ME3: variants seen among roughly 807,000 people sequenced by gnomAD.
The protein encoded by ME3 is malic enzyme 3.
In ME3, 48 loss-of-function variants were observed where a neutral mutation model predicts 68.9. The ratio of observed to expected loss-of-function variants is 0.70; its 90% CI spans 0.55 to 0.89. ME3 has a LOEUF of 0.89. ME3 is among the 40% of genes least tolerant of loss of function. ME3 has a pLI of 0.00. For missense variants in ME3, 675 were observed against 797.4 expected (o/e 0.85, Z 1.85); for synonymous variants, 320 against 318.8 (o/e 1.00, Z -0.04).
At chr11:86,614,672 A>AT (rs939027954) in intron 2 of ME3, among the ~76,000 whole-genome samples, 1 of 151,942 alleles carries the variant, frequency 6.6e-6, no homozygotes, top group Admixed American at 6.6e-5. Flanking sequence ...GTGCCTATGG[A>AT]TTTTTTTTCA....
At chr11:86,448,375 C>G (rs1241528729) in intron 10 of ME3, 120 bp from the exon 11 acceptor site, 1 of 726,580 alleles carries the variant, frequency 1.4e-6, no homozygotes, top group Non-Finnish European at 2.3e-6. Flanking sequence ...TTTGAGCTGT[C>G]AGATGTTTTG....
intron 4 of ME3, among the ~76,000 whole-genome samples, chr11:86,509,507 T>G (rs1444264535): frequency 6.6e-6 from 1 of 152,224 alleles, no homozygotes; most frequent in Non-Finnish European, 1.5e-5. Context: ...GCAGGAATTA[T>G]ACCTTTTGGG....
chr11:86,440,702 G>A (rs1948943757), downstream of ME3, among the ~76,000 whole-genome samples: 2 of 152,136 alleles, frequency 1.3e-5, no homozygotes, highest in Admixed American at 1.3e-4. Context: ...GGTGTGTATG[G>A]CTGACATGGA....
intron 4 of ME3, among the ~76,000 whole-genome samples, chr11:86,517,094 G>A (rs993436232): frequency 2.6e-5 from 4 of 152,054 alleles, no homozygotes; most frequent in Non-Finnish European, 4.4e-5. Context: ...TCTGTCCTTC[G>A]TGGAAGCAAT....
chr11:86,671,597 G>A (rs1166333730), intron 2 of ME3, 165 bp downstream of exon 2: 1 of 764,910 alleles, frequency 1.3e-6, no homozygotes, highest in African/African-American at 1.9e-5. Flanking sequence ...GGGAGAGGAG[G>A]GACAAGAAAG....
At chr11:86,522,358 TTTC>T (rs1479951194) in intron 4 of ME3, among the ~76,000 whole-genome samples, 1 of 150,388 alleles carries the variant, frequency 6.6e-6, no homozygotes, top group Non-Finnish European at 1.5e-5. Context: ...TGACTATTTT[TTTC>T]TTTTTTTTTT....
intron 2 of ME3, among the ~76,000 whole-genome samples, chr11:86,578,094 G>A (rs1958219314): frequency 6.6e-6 from 1 of 152,178 alleles, no homozygotes; most frequent in South Asian, 2.1e-4. Flanking sequence ...CATCCCGACC[G>A]AACAAGGGAA....
At chr11:86,526,641 C>T (rs982368067) in intron 4 of ME3, among the ~76,000 whole-genome samples, 11 of 152,316 alleles carry the variant, frequency 7.2e-5, no homozygotes, top group Middle Eastern at 3.4e-3. Context: ...TGACACCTCA[C>T]ATGGCTGGGT....
At chr11:86,590,058 AC>A (rs1958970072) in intron 2 of ME3, among the ~76,000 whole-genome samples, 1 of 152,162 alleles carries the variant, frequency 6.6e-6, no homozygotes, top group Non-Finnish European at 1.5e-5. Context: ...ACTGTCCCAA[AC>A]CAGGGAAGAG....
At chr11:86,566,430 C>T (rs1460234466) in intron 2 of ME3, among the ~76,000 whole-genome samples, 2 of 152,198 alleles carry the variant, frequency 1.3e-5, no homozygotes, top group African/African-American at 4.8e-5. Context: ...CCCTTCATTC[C>T]TCTGCCACCT....
chr11:86,461,321 A>C (rs1390479357), intron 8 of ME3, among the ~76,000 whole-genome samples: 12 of 152,032 alleles, frequency 7.9e-5, no homozygotes, highest in Admixed American at 7.9e-4. Context: ...CCAGTGAGGG[A>C]GGGGGGGATG....
At chr11:86,454,282 C>T (rs1949796768) in intron 8 of ME3, among the ~76,000 whole-genome samples, 1 of 152,150 alleles carries the variant, frequency 6.6e-6, no homozygotes, top group Admixed American at 6.5e-5. Flanking sequence ...AATATTTTTG[C>T]CCTTTGACCT....
intron 2 of ME3, among the ~76,000 whole-genome samples, chr11:86,575,529 C>T (rs951007376): frequency 6.8e-6 from 1 of 147,226 alleles, no homozygotes; most frequent in Admixed American, 6.7e-5. Context: ...AATGTAGCAT[C>T]ATTGGCCCCT....
In ME3 at chr11:86,478,782, T is replaced by A. The variant is rs534166002; in HGVS notation, c.809+8555A>T. On this transcript the variant is annotated intron_variant, in intron 7 of 14. Coordinates refer to ENST00000543262, the Ensembl canonical transcript of ME3. The stretch of plus-strand genomic sequence containing the variant: ...TACATTTTTTATGGTTGGTGGAAAG[T>A]ATTTCATTTCTAGCACTCCTGATAT... Among the ~76,000 whole-genome samples the A allele has an allele frequency of 2.0e-5, 3 of 152,334 alleles. No homozygotes were observed. The South Asian group carries it at 6.2e-4, about 32-fold the overall frequency.
chr11:86,441,173 G>GA, exon 15 of ME3: 1 of 1,195,888 alleles, frequency 8.4e-7, no homozygotes. Context: ...AAGTTTAAAA[G>GA]AAAAAACACA....
chr11:86,446,809 T>A, intron 12 of ME3: 1 of 602,672 alleles, frequency 1.7e-6, no homozygotes, highest in South Asian at 2.4e-5. Context: ...TGGGTGCTGG[T>A]CAAAGCTCTG....
intron 4 of ME3, 32 bp downstream of exon 4, chr11:86,556,521 C>T (rs1297718520): frequency 6.2e-7 from 1 of 1,600,614 alleles, no homozygotes; most frequent in Non-Finnish European, 8.5e-7. Flanking sequence ...TGAGGCAGCC[C>T]CTCCCAGAGC....
chr11:86,568,926 C>A (rs1222099009), intron 2 of ME3, among the ~76,000 whole-genome samples: 1 of 152,200 alleles, frequency 6.6e-6, no homozygotes, highest in Non-Finnish European at 1.5e-5. Flanking sequence ...CTAGAGGAGA[C>A]ATGTGGGTTA....
intron 3 of ME3, among the ~76,000 whole-genome samples, chr11:86,559,222 C>T (rs147549769): frequency 1.2e-3 from 189 of 152,236 alleles, no homozygotes; most frequent in Non-Finnish European, 1.8e-3. Flanking sequence ...TAGGTCCATC[C>T]TAAGGTGTCC....
Sources: allele counts gnomAD v4.1 joint callset (sites outside exome capture counted in the v4.1 genomes callset), GRCh38; gene constraint gnomAD v4.1.1; transcripts MANE v1.5; gene names NCBI Gene and HGNC (gene_info 2026-07-23, HGNC 2026-07-21).